The following SEC16B variants were observed in gnomAD, a reference collection of about 807,000 sequenced individuals.
SEC16B encodes the protein protein transport protein Sec16B.
SEC16B carries 115 observed loss-of-function variants against 141.8 expected under a neutral mutation model. That is an observed-to-expected ratio of 0.81 (90% confidence interval 0.70 to 0.95). The LOEUF is 0.95. SEC16B is among the 40% of genes least tolerant of loss of function. The probability of loss-of-function intolerance (pLI) is 0.00; values close to 1 mark genes in which losing one functional copy is unlikely to be tolerated. For synonymous variants in SEC16B, 493 were observed against 492.5 expected (o/e 1.00, Z -0.01); for missense variants, 1,291 against 1,312.3 (o/e 0.98, Z 0.25).
rs376525828 is a variant in SEC16B, at chr1:177,936,289, C to T, written c.2571+9G>A. The T allele has an allele frequency of 2.7e-5, 43 of 1,604,950 alleles. No individual in the cohort carries two copies. The highest frequency in any genetic ancestry group is 4.0e-5 in the African/African-American group (3 of 74,800). Reference sequence around the variant, plus strand: ...GGGCAGTGGCATCTTTTATGCTGTGCGCTCTCACCTGTGGTTTGGAAATGA... The same window carrying T: ...GGGCAGTGGCATCTTTTATGCTGTGTGCTCTCACCTGTGGTTTGGAAATGA... On this transcript the variant is annotated intron_variant, in intron 20 of 25. Transcript: ENST00000308284.
At chr1:177,971,182 A>G (rs1653930222), upstream of SEC16B, among the ~76,000 whole-genome samples, 1 of 152,000 alleles carries the variant, frequency 6.6e-6, no homozygotes, top group African/African-American at 2.4e-5. Context: ...CCCAGGTTCA[A>G]GCAATTCTCC....
At chr1:177,944,870 C>A (rs1651562582) in intron 14 of SEC16B, among the ~76,000 whole-genome samples, 1 of 152,090 alleles carries the variant, frequency 6.6e-6, no homozygotes, top group Admixed American at 6.6e-5. Flanking sequence ...CTCCTTGAGG[C>A]TGAGGAAGGA....
Position 177,951,973 on chromosome 1 carries a change from T to C in SEC16B, c.1486A>G (p.Asn496Asp). ...TGGAAGAGGGTCTGCAGTGGGTCAT[T>C]GAGCGCCAGCGTGCTGGTGAAGCTG... The part of the protein sequence containing the change: ...MSGFTSTLAL[N>D]DPLQTLFQLM... The change falls in exon 12 of 26, where the codon AAT becomes GAT. Residue 496 changes from asparagine to aspartate, a missense_variant. Physicochemically the swap from Asn to Asp is conservative, Grantham distance 23 (BLOSUM62 1). Transcript: ENST00000308284. The C allele has an allele frequency of 6.2e-7, 1 of 1,605,666 alleles. No homozygotes were observed. Among genetic ancestry groups the C allele is most frequent in the Non-Finnish European group, 8.5e-7 (1 of 1,176,420 alleles).
rs564649641 is a variant in SEC16B at position 177,939,739 on chromosome 1, A to C, written c.2166T>G (p.Thr722=). The change falls in exon 18 of 26, where the codon ACT becomes ACG. Residue 722 remains threonine, a synonymous_variant. Coordinates refer to ENST00000308284, the MANE Select transcript of SEC16B (RefSeq NM_033127.4). ...VAGDIGDPHP[T]RSDISGAGGT... is the part of the protein sequence containing the mutation. ...CTCCGGCTCCCGAAATATCTGAGCG[A>C]GTAGGATGAGGATCCCCAATGTCTC... is the stretch of plus-strand genomic sequence containing the variant. 3.1e-6 allele frequency: 5 copies of C among 1,596,534 alleles called. No homozygotes were observed. The African/African-American group carries it at 6.7e-5, about 21-fold the overall frequency.
intron 1 of SEC16B, among the ~76,000 whole-genome samples, chr1:177,980,410 C>G (rs1309561062): frequency 2.0e-5 from 3 of 152,050 alleles, no homozygotes; most frequent in Non-Finnish European, 2.9e-5. Flanking sequence ...GCCTTTTCCC[C>G]ATAGCTCCTC....
Position 177,929,832 on chromosome 1 carries a change from G to T in SEC16B, c.*26C>A. 6.2e-7 allele frequency: 1 copy of T among 1,612,262 alleles called. No homozygotes were observed. Among genetic ancestry groups the T allele is most frequent in the South Asian group, 1.1e-5 (1 of 90,738 alleles). On this transcript the variant is annotated 3_prime_UTR_variant, in exon 26 of 26. Transcript: ENST00000308284. Reference sequence around the variant, plus strand: ...GAGCAAGAAAGTTTCAGTCCTGGGAGATGAGCCTGGGACGTGTGTTTATTC... The same window carrying T: ...GAGCAAGAAAGTTTCAGTCCTGGGATATGAGCCTGGGACGTGTGTTTATTC...
chr1:177,979,415 G>A (rs1393671297), intron 1 of SEC16B, among the ~76,000 whole-genome samples: 1 of 152,208 alleles, frequency 6.6e-6, no homozygotes, highest in Non-Finnish European at 1.5e-5. Flanking sequence ...TGTGTGTACA[G>A]TGTGGATGCA....
chr1:177,977,751 GA>G (rs1483364096), intron 1 of SEC16B, among the ~76,000 whole-genome samples: 2 of 152,090 alleles, frequency 1.3e-5, no homozygotes, highest in Non-Finnish European at 2.9e-5. Context: ...ATCATTTTGG[GA>G]AGTAGCAAAG....
chr1:177,967,796 G>T lies in SEC16B; in HGVS notation c.186C>A (p.Pro62=), dbSNP rs371686934. 4 of 1,613,984 alleles carry T rather than the reference G, an allele frequency of 2.5e-6. No homozygotes were observed. The highest frequency in any genetic ancestry group is 1.7e-6 in the Non-Finnish European group (2 of 1,179,892). The change falls in exon 2 of 26, where the codon CCC becomes CCA. Residue 62 remains proline, a synonymous_variant. Coordinates refer to ENST00000308284, the MANE Select transcript of SEC16B (RefSeq NM_033127.4). ...NRGSPQPQQE[P]RADHQQQPHY... ...GGGGCTGCTGCTGATGGTCTGCCCT[G>T]GGCTCCTGCTGTGGCTGGGGGCTCC...
chr1:177,958,422 A>G, intron 9 of SEC16B, 60 bp from the exon 10 acceptor site: 1 of 1,386,810 alleles, frequency 7.2e-7, no homozygotes, highest in Non-Finnish European at 9.6e-7. Flanking sequence ...TGGCAGCCCC[A>G]GCTGGAGAAG....
At chr1:177,980,268 A>T (rs1039360610) in intron 1 of SEC16B, among the ~76,000 whole-genome samples, 4 of 152,174 alleles carry the variant, frequency 2.6e-5, no homozygotes, top group African/African-American at 9.7e-5. Context: ...ACTGTGGTAT[A>T]ATTTCACCCC....
At chr1:177,954,875 T>C (rs960206570) in intron 10 of SEC16B, among the ~76,000 whole-genome samples, 2 of 152,136 alleles carry the variant, frequency 1.3e-5, no homozygotes, top group Non-Finnish European at 2.9e-5. Context: ...ATACAATTTT[T>C]GTCAATTAAA....
chr1:177,930,281 T>C (rs1650317603), intron 25 of SEC16B, among the ~76,000 whole-genome samples: 1 of 152,106 alleles, frequency 6.6e-6, no homozygotes, highest in African/African-American at 2.4e-5. Context: ...CTCCCACATC[T>C]CAAGAGCTAT....
intron 5 of SEC16B, among the ~76,000 whole-genome samples, chr1:177,963,156 T>C (rs1478539089): frequency 1.3e-5 from 2 of 151,762 alleles, no homozygotes; most frequent in Non-Finnish European, 2.9e-5. Flanking sequence ...CAGTGTAAGG[T>C]GCTGTACATA....
upstream of SEC16B, among the ~76,000 whole-genome samples, chr1:177,974,726 AC>A (rs1467666266): frequency 6.6e-6 from 1 of 152,156 alleles, no homozygotes; most frequent in African/African-American, 2.4e-5. Flanking sequence ...TCTTTCCAGA[AC>A]CCTAGATGTG....
At chr1:177,960,487 G>T in intron 7 of SEC16B, 84 bp from the exon 8 acceptor site, 1 of 969,788 alleles carries the variant, frequency 1.0e-6, no homozygotes, top group Non-Finnish European at 1.6e-6. Flanking sequence ...AGACCCCAAG[G>T]CCGTGGGGCT....
chr1:177,947,709 GA>G, intron 13 of SEC16B, 115 bp downstream of exon 13: 2 of 605,578 alleles, frequency 3.3e-6, no homozygotes, highest in Non-Finnish European at 6.0e-6. Flanking sequence ...GGGAGGTGAG[GA>G]GAGGGAGGGG....
At chr1:177,933,412 A>C in intron 21 of SEC16B, 72 bp downstream of exon 21, 1 of 1,576,128 alleles carries the variant, frequency 6.3e-7, no homozygotes, top group Non-Finnish European at 8.6e-7. Context: ...CAGACTTCCA[A>C]GTCTGCACCA....
intron 20 of SEC16B, among the ~76,000 whole-genome samples, chr1:177,935,230 C>T (rs1006642219): frequency 1.9e-4 from 29 of 152,150 alleles, no homozygotes; most frequent in African/African-American, 7.0e-4. Flanking sequence ...TTCCACTAGA[C>T]TTGAGCGCCT....
Sources: allele counts gnomAD v4.1 joint callset (sites outside exome capture counted in the v4.1 genomes callset), GRCh38; gene constraint gnomAD v4.1.1; transcripts MANE v1.5; gene names NCBI Gene and HGNC (gene_info 2026-07-23, HGNC 2026-07-21).